KMT2D: variants seen among roughly 807,000 people sequenced by gnomAD.
KMT2D encodes the protein lysine methyltransferase 2D, also known as histone-lysine N-methyltransferase 2D.
KMT2D carries 55 observed loss-of-function variants against 512.7 expected under a neutral mutation model. The ratio of observed to expected loss-of-function variants is 0.11; its 90% CI spans 0.09 to 0.13. KMT2D has a LOEUF of 0.13. KMT2D is among the 10% of genes least tolerant of loss of function. The pLI is 1.00. For missense variants in KMT2D, 6,061 were observed against 7,127.9 expected (o/e 0.85, Z 5.39); for synonymous variants, 2,995 against 2,904.0 (o/e 1.03, Z -1.01).
chr12:49,043,279 A>T, intron 25 of KMT2D, 84 bp downstream of exon 25: 1 of 1,554,594 alleles, frequency 6.4e-7, no homozygotes, highest in Non-Finnish European at 8.9e-7. Flanking sequence ...TCCAGCCTCC[A>T]ACACTGACAA....
At position 49,032,980 on chromosome 12, in the gene KMT2D, G is replaced by C; in HGVS notation, c.11725C>G (p.Gln3909Glu). Residue 3909 changes from glutamine to glutamate, a missense_variant, in exon 40 of 55, where the codon CAA (glutamine) becomes GAA (glutamate). Transcript: ENST00000301067. ...TGCTGCTGCTGCTGAAGTTGCTGTT[G>C]CTGTTGCAGCTGCTGCTGCTGCTGA... ...QLQQQQQLQQQQQLQQQQQQQ... is the reference protein window; with the variant it reads ...QLQQQQQLQQEQQLQQQQQQQ... 6.4e-7 allele frequency: 1 copy of C among 1,551,080 alleles called. No homozygotes were observed. The highest frequency in any genetic ancestry group is 8.7e-7 in the Non-Finnish European group (1 of 1,146,906).
intron 49 of KMT2D, among the ~76,000 whole-genome samples, chr12:49,025,891 G>A (rs1942555426): frequency 6.6e-6 from 1 of 152,212 alleles, no homozygotes; most frequent in Non-Finnish European, 1.5e-5. Flanking sequence ...GTTGGGTGAG[G>A]CAGATGATAG....
Position 49,024,197 on chromosome 12 carries a change from G to C in KMT2D, c.16052+381C>G. On this transcript the variant is annotated intron_variant, in intron 51 of 54. Transcript: ENST00000301067. This position sits in a 1 kb window ranked among gnomAD's most constrained non-coding sequence, Gnocchi z 4.5. ...TTTATTTTTGACACCAACACTCATG[G>C]GGAAGGGAAGGTGACCCTAGCACCC... is the stretch of plus-strand genomic sequence containing the variant. 1 of 439,776 alleles carries C rather than the reference G, an allele frequency of 2.3e-6. No individual in the cohort carries two copies. 27.2% of individuals were successfully genotyped at this position (439,776 alleles called of 1,614,324 possible).
intron 40 of KMT2D, 56 bp downstream of exon 40, chr12:49,031,119 C>T (rs899082688): frequency 2.0e-5 from 32 of 1,609,348 alleles, no homozygotes; most frequent in Middle Eastern, 1.6e-4. Flanking sequence ...ACTCATTCTG[C>T]CCCCCGCTGG....
intron 1 of KMT2D, among the ~76,000 whole-genome samples, chr12:49,055,700 T>C (rs569772182): frequency 1.3e-5 from 2 of 152,316 alleles, no homozygotes; most frequent in African/African-American, 4.8e-5. Context: ...CCTCTGGGTT[T>C]TTGGCTTTTG....
chr12:49,027,790 C>T lies in KMT2D; in HGVS notation c.14643+13G>A. 1.3e-6 allele frequency: 2 copies of T among 1,555,146 alleles called. No individual in the cohort carries two copies. The highest frequency in any genetic ancestry group is 1.7e-6 in the Non-Finnish European group (2 of 1,148,806). ...TTTTCTAACACCCACCCCTTTTTCT[C>T]CCCCAGACCTACCTGTTTCAGGAGG... On this transcript the variant is annotated intron_variant, in intron 48 of 54. Transcript: ENST00000301067.
intron 45 of KMT2D, 43 bp from the exon 46 acceptor site, chr12:49,029,001 C>A (rs1942750180): frequency 6.2e-7 from 1 of 1,609,278 alleles, no homozygotes; most frequent in Non-Finnish European, 8.5e-7. Context: ...GGCCGCCTCT[C>A]CCCCAGCTTC....
In KMT2D at chr12:49,037,764, G is replaced by A. The variant is rs1311527251; in HGVS notation, c.9592C>T (p.Pro3198Ser). 32 of 1,592,734 alleles carry A rather than the reference G, an allele frequency of 2.0e-5. No homozygotes were observed. Among genetic ancestry groups the A allele is most frequent in the Non-Finnish European group, 2.4e-5 (28 of 1,169,472 alleles). Residue 3198 changes from proline to serine, a missense_variant, in exon 35 of 55, where the codon CCC becomes TCC. Coordinates refer to ENST00000301067, the MANE Select transcript of KMT2D (RefSeq NM_003482.4). ...TGGPPAHLLT[P>S]SPLSGPGGSS... ...CCTCCTGGGCCACTCAGTGGGCTGG[G>A]GGTCAGCAGGTGAGCTGGTGGTCCT...
Position 49,031,454 on chromosome 12 carries a change from C to T in KMT2D, c.13251G>A (p.Gln4417=), listed in dbSNP as rs764222440. 1.2e-6 allele frequency: 2 copies of T among 1,613,780 alleles called. No homozygotes were observed. The highest frequency in any genetic ancestry group is 2.2e-5 in the South Asian group (2 of 91,066). ...VPEASQLSIK[Q]EPREEPCALG... ...GGGCACATGGCTCTTCCCGAGGTTC[C>T]TGCTTGATGCTGAGTTGGGATGCCT... is the stretch of plus-strand genomic sequence containing the variant. The change falls in exon 40 of 55, where the codon CAG becomes CAA. Residue 4417 remains glutamine (Q), a synonymous_variant. Coordinates refer to ENST00000301067, the MANE Select transcript of KMT2D (RefSeq NM_003482.4).
In KMT2D at chr12:49,044,874, C is replaced by T. The variant is rs2120588944; in HGVS notation, c.4833G>A (p.Arg1611=). Residue 1611 remains arginine (R), a synonymous_variant, in exon 20 of 55, where the codon CGG becomes CGA. Transcript: ENST00000301067. The surrounding 1 kb of genome is among the most constrained non-coding windows in gnomAD (Gnocchi z 6.4). The part of the protein sequence containing the change: ...RNLTMSPLHK[R]RQRRGRLGLP... ...GGCCAAGCCGTCCTCGCCGTTGGCG[C>T]CGCTTGTGCAGTGGTGACATGGTCA... The T allele has an allele frequency of 6.2e-7, 1 of 1,614,068 alleles. No individual in the cohort carries two copies. The highest frequency in any genetic ancestry group is 1.1e-5 in the South Asian group (1 of 91,084).
intron 46 of KMT2D, among the ~76,000 whole-genome samples, chr12:49,028,539 C>G (rs1037334196): frequency 6.6e-6 from 1 of 152,188 alleles, no homozygotes; most frequent in African/African-American, 2.4e-5. Flanking sequence ...CTGACAGAGT[C>G]CCACCAAACA....
rs748306957 is a variant in KMT2D at position 49,054,593 on chromosome 12, C to G, written c.335G>C (p.Ser112Thr). The change falls in exon 4 of 55, where the codon AGT becomes ACT. Residue 112 changes from serine (S) to threonine (T), a missense_variant. Ser to Thr is a moderately conservative substitution (Grantham distance 58). Coordinates refer to ENST00000301067, the MANE Select transcript of KMT2D (RefSeq NM_003482.4). This position sits in a 1 kb window ranked among gnomAD's most constrained non-coding sequence, Gnocchi z 6.4. The stretch of plus-strand genomic sequence containing the variant: ...GAAACCAATCTGTGATAGGTCCTCA[C>G]TGGGCAGCACTGCCTCATTGGGCCC... The part of the protein sequence containing the change: ...SPGPNEAVLP[S>T]EDLSQIGFPE... 162 of 1,613,090 alleles carry G rather than the reference C, an allele frequency of 1.0e-4. No homozygotes were observed. Among genetic ancestry groups the G allele is most frequent in the Non-Finnish European group, 1.3e-4 (159 of 1,179,524 alleles).
At position 49,049,733 on chromosome 12, in the gene KMT2D, C is replaced by T. The variant is rs1323915717; in HGVS notation, c.3855G>A (p.Glu1285=). 2 of 1,605,622 alleles carry T rather than the reference C, an allele frequency of 1.2e-6. No homozygotes were observed. The highest frequency in any genetic ancestry group is 4.5e-5 in the East Asian group (2 of 44,620). ...AGTAISGGKA[E]GEKGRRRSSP... is the part of the protein sequence containing the mutation. ...AGCTGCGCCGCCGCCCCTTCTCCCC[C>T]TCAGCTTTGCCTCCGCTGATAGCTG... Residue 1285 remains glutamate (E), a synonymous_variant, in exon 12 of 55, where the codon GAG becomes GAA. Transcript: ENST00000301067.
chr12:49,031,376 T>C lies in KMT2D; in HGVS notation c.13329A>G (p.Pro4443=). ...REANGEPIGA[P]GTSNHLLLAG... ...CCAGCAGGAGGTGGTTGCTGGTTCCTGGTGCCCCTATTGGCTCCCCATTGG... is the reference window on the plus strand; with the variant it reads ...CCAGCAGGAGGTGGTTGCTGGTTCCCGGTGCCCCTATTGGCTCCCCATTGG... The change falls in exon 40 of 55, where the codon CCA becomes CCG. Residue 4443 remains proline, a synonymous_variant. Coordinates refer to ENST00000301067, the MANE Select transcript of KMT2D (RefSeq NM_003482.4). 1.2e-6 allele frequency: 2 copies of C among 1,613,642 alleles called. No individual in the cohort carries two copies. Among genetic ancestry groups the C allele is most frequent in the Non-Finnish European group, 1.7e-6 (2 of 1,179,880 alleles).
chr12:49,019,683 G>A lies in KMT2D; in HGVS notation c.*2097C>T, dbSNP rs773660448. On this transcript the variant is annotated 3_prime_UTR_variant, in exon 55 of 55. Coordinates refer to ENST00000301067, the MANE Select transcript of KMT2D (RefSeq NM_003482.4). ...AGGAACATCCAAGGGCTGTGGCTTT[G>A]AGGGCAGCAGCCCAGTCTTCCTACT... is the stretch of plus-strand genomic sequence containing the variant. 5 of 231,786 alleles carry A rather than the reference G, an allele frequency of 2.2e-5. No individual in the cohort carries two copies. The highest frequency in any genetic ancestry group is 5.6e-5 in the Admixed American group (1 of 17,700). The allele number at this position is 231,786 out of a possible 1,614,324, so 14.4% of individuals were successfully genotyped here. A position where few individuals can be genotyped will look rare whatever the true frequency, so the allele number is the denominator to read the frequency against.
At position 49,043,944 on chromosome 12, in the gene KMT2D, C is replaced by T. The variant is rs2120575992; in HGVS notation, c.5243G>A (p.Gly1748Glu). Reference protein sequence around the residue: ...EGAVEQSLAEGDEKKKQQRRG... With the variant: ...EGAVEQSLAEEDEKKKQQRRG... ...CCGCTGTTGCTTCTTCTTCTCATCCCCTTCAGCTAAGCTCTGCTCCACGGC... is the reference window on the plus strand; with the variant it reads ...CCGCTGTTGCTTCTTCTTCTCATCCTCTTCAGCTAAGCTCTGCTCCACGGC... The change falls in exon 23 of 55, where the codon GGG becomes GAG. Residue 1748 changes from glycine (G) to glutamate (E), a missense_variant. Around this residue, in one of 16 missense-constraint regions of KMT2D, gnomAD observed 640 missense variants for 814.3 expected, o/e 0.79. Coordinates refer to ENST00000301067, the MANE Select transcript of KMT2D (RefSeq NM_003482.4). 1 of 1,614,060 alleles carries T rather than the reference C, an allele frequency of 6.2e-7. No individual in the cohort carries two copies. The highest frequency in any genetic ancestry group is 1.1e-5 in the South Asian group (1 of 91,088).
chr12:49,039,018 T>C lies in KMT2D; in HGVS notation c.8367-29A>G, dbSNP rs2120507940. The C allele has an allele frequency of 3.2e-6, 5 of 1,550,154 alleles. No homozygotes were observed. Among genetic ancestry groups the C allele is most frequent in the South Asian group, 1.2e-5 (1 of 84,378 alleles). On this transcript the variant is annotated intron_variant, in intron 34 of 54. Transcript: ENST00000301067. The surrounding 1 kb of genome is among the most constrained non-coding windows in gnomAD (Gnocchi z 5.0). ...GAAGAATATACAGTAGTCAGTAGGA[T>C]GAAATCAGATGAAAAGGAGCAAGAA... is the stretch of plus-strand genomic sequence containing the variant.
Position 49,040,176 on chromosome 12 carries a change from A to G in KMT2D, c.7594T>C (p.Ser2532Pro). ...TGAGGGAAAGTGAAACGCATGGGAG[A>G]GGGGGTGCCCACAAATGCACCCGTC... The part of the protein sequence containing the change: ...PGTGAFVGTP[S>P]PMRFTFPQAV... Residue 2532 changes from serine to proline, a missense_variant, in exon 32 of 55, where the codon TCT becomes CCT. Physicochemically the swap from Ser to Pro is moderately conservative, Grantham distance 74. Coordinates refer to ENST00000301067, the MANE Select transcript of KMT2D (RefSeq NM_003482.4). 6.2e-7 allele frequency: 1 copy of G among 1,613,680 alleles called. No individual in the cohort carries two copies. Among genetic ancestry groups the G allele is most frequent in the Non-Finnish European group, 8.5e-7 (1 of 1,179,796 alleles).
Position 49,022,443 on chromosome 12 carries a change from G to C in KMT2D, c.16339-90C>G. 6.7e-7 allele frequency: 1 copy of C among 1,497,020 alleles called. No homozygotes were observed. The highest frequency in any genetic ancestry group is 1.4e-5 in the African/African-American group (1 of 72,600). The allele number at this position is 1,497,020 out of a possible 1,614,324, so 92.7% of individuals were successfully genotyped here. On this transcript the variant is annotated intron_variant, in intron 52 of 54. Transcript: ENST00000301067. This position sits in a 1 kb window ranked among gnomAD's most constrained non-coding sequence, Gnocchi z 8.6. Reference sequence around the variant, plus strand: ...GATCAGGTAGGAGACTCAGGCAGTGGGGGCTTTTGTTGCATGTACTTCATT... The same window carrying C: ...GATCAGGTAGGAGACTCAGGCAGTGCGGGCTTTTGTTGCATGTACTTCATT...
Sources: gnomAD v4.1 joint callset for allele counts (sites outside exome capture counted in the v4.1 genomes callset) on GRCh38, gnomAD v4.1.1 for gene constraint, gnomAD v4.1.1 regional missense constraint, Gnocchi (gnomAD v3.1) non-coding constraint, MANE v1.5 for transcripts, NCBI Gene and HGNC (gene_info 2026-07-23, HGNC 2026-07-21) for gene names.